The following WDR20 variants were observed in gnomAD, a reference collection of about 807,000 sequenced individuals.
WDR20 encodes the protein WD repeat-containing protein 20.
WDR20 carries 3 observed loss-of-function variants against 38.7 expected under a neutral mutation model. The ratio of observed to expected loss-of-function variants is 0.08; its 90% CI spans 0.04 to 0.20. The LOEUF (loss-of-function observed/expected upper bound fraction) is 0.20. Among genes scored for constraint, WDR20 ranks in the 10% least tolerant of loss-of-function variants. The pLI, the probability that WDR20 is intolerant of heterozygous loss-of-function variation, is 1.00. For missense variants in WDR20, 559 were observed against 727.7 expected (o/e 0.77, Z 2.67); for synonymous variants, 298 against 285.6 (o/e 1.04, Z -0.44).
chr14:102,154,601 C>A (rs1331254829), intron 1 of WDR20, among the ~76,000 whole-genome samples: 1 of 152,212 alleles, frequency 6.6e-6, no homozygotes, highest in East Asian at 1.9e-4. Flanking sequence ...CTGTCTCTTT[C>A]ACCTTCCTTA....
intron 1 of WDR20, among the ~76,000 whole-genome samples, chr14:102,173,900 T>C (rs10130436): frequency 0.085 from 12,944 of 151,938 alleles, 949 homozygotes; most frequent in African/African-American, 0.2. Context: ...AAAAATTAGC[T>C]GGGCGTGGTG....
At chr14:102,200,466 TTTGTGTGTGTGTGTGTGTG>T (rs762203230) in intron 2 of WDR20, among the ~76,000 whole-genome samples, 1,777 of 106,090 alleles carry the variant, frequency 0.017, 20 homozygotes, top group South Asian at 0.056. Flanking sequence ...AATTTTTTTT[TTTGTGTGTGTGTGTGTGTG>T]TGTGTGTGTG....
At chr14:102,212,883 A>C, downstream of WDR20, 1 of 1,157,162 alleles carries the variant, frequency 8.6e-7, no homozygotes, top group South Asian at 2.5e-5. Context: ...AATCTGTGGA[A>C]TAAAACACAG....
At chr14:102,187,409 TG>T (rs138702000) in intron 1 of WDR20, among the ~76,000 whole-genome samples, 7,742 of 150,588 alleles carry the variant, frequency 0.051, 386 homozygotes, top group African/African-American at 0.12. Context: ...ACACATAGGC[TG>T]GGGGGGGGCT....
In WDR20 at chr14:102,209,145, G is replaced by A. The variant is rs772320728; in HGVS notation, c.975G>A (p.Met325Ile). 6.2e-7 allele frequency: 1 copy of A among 1,614,042 alleles called. No individual in the cohort carries two copies. The highest frequency in any genetic ancestry group is 8.5e-7 in the Non-Finnish European group (1 of 1,179,998). The change falls in exon 3 of 3, where the codon ATG becomes ATA. Residue 325 changes from methionine to isoleucine, a missense_variant. By Grantham distance (10) the Met-to-Ile change is conservative (BLOSUM62 1). Coordinates refer to ENST00000342702, the MANE Select transcript of WDR20 (RefSeq NM_144574.4). The surrounding 1 kb of genome is among the most constrained non-coding windows in gnomAD (Gnocchi z 6.0). ...CTAGTGTAGAAGAAGGTGACCCTAT[G>A]GAGTTTAGTGGCAGCGATGAGGACT... Reference protein sequence around the residue: ...YTTSVEEGDPMEFSGSDEDFQ... With the variant: ...YTTSVEEGDPIEFSGSDEDFQ...
At chr14:102,183,069 AG>A (rs941327622) in intron 1 of WDR20, among the ~76,000 whole-genome samples, 23 of 151,266 alleles carry the variant, frequency 1.5e-4, no homozygotes, top group African/African-American at 5.4e-4. Flanking sequence ...TCAGAGAGAG[AG>A]AAAAAAAAAG....
At chr14:102,141,971 T>C (rs886323278) in intron 1 of WDR20, among the ~76,000 whole-genome samples, 4 of 152,226 alleles carry the variant, frequency 2.6e-5, no homozygotes, top group African/African-American at 9.6e-5. Context: ...AGACCTTATC[T>C]GGATCTGGTA....
chr14:102,141,876 CACTA>C (rs1175912418), intron 1 of WDR20, among the ~76,000 whole-genome samples: 5 of 152,022 alleles, frequency 3.3e-5, no homozygotes, highest in African/African-American at 7.2e-5. Flanking sequence ...AAACTAAATT[CACTA>C]ACTAGCAATT....
chr14:102,175,985 T>C (rs1302200272), intron 1 of WDR20, among the ~76,000 whole-genome samples: 2 of 152,176 alleles, frequency 1.3e-5, no homozygotes, highest in African/African-American at 4.8e-5. Context: ...TATATGATTA[T>C]ATATCATCAG....
intron 2 of WDR20, among the ~76,000 whole-genome samples, chr14:102,205,670 T>G (rs1195586467): frequency 2.0e-5 from 3 of 152,130 alleles, no homozygotes; most frequent in Non-Finnish European, 4.4e-5. Flanking sequence ...CCACTCACCC[T>G]GATATTGCTG....
rs777064010 is a variant in WDR20 at position 102,207,235 on chromosome 14, G to A, written c.433-1368G>A. ...CATGCTGTGTGGCGTTCAGGCCTCC[G>A]TTCTTCCTGCCTGGGGTCCTTTGTT... is the stretch of plus-strand genomic sequence containing the variant. On this transcript the variant is annotated intron_variant, in intron 2 of 2. Coordinates refer to ENST00000342702, the MANE Select transcript of WDR20 (RefSeq NM_144574.4). The surrounding 1 kb of genome is among the most constrained non-coding windows in gnomAD (Gnocchi z 5.0). Among the ~76,000 whole-genome samples the A allele has an allele frequency of 2.7e-4, 41 of 152,364 alleles. No individual in the cohort carries two copies. Among genetic ancestry groups the A allele is most frequent in the Middle Eastern group, 3.4e-3 (1 of 294 alleles).
chr14:102,140,153 T>C lies in WDR20; in HGVS notation c.230T>C (p.Ile77Thr). Reference protein sequence around the residue: ...FNVGRELYFYIYKGVRKAADL... With the variant: ...FNVGRELYFYTYKGVRKAADL... ...GTGGGCCGGGAGCTGTACTTCTATATCTACAAGGGGGTCCGCAAGGTACCG... is the reference window on the plus strand; with the variant it reads ...GTGGGCCGGGAGCTGTACTTCTATACCTACAAGGGGGTCCGCAAGGTACCG... The change falls in exon 1 of 3, where the codon ATC becomes ACC. Residue 77 changes from isoleucine (I) to threonine (T), a missense_variant. Transcript: ENST00000342702. 1 of 1,613,270 alleles carries C rather than the reference T, an allele frequency of 6.2e-7. No individual in the cohort carries two copies. Among genetic ancestry groups the C allele is most frequent in the Non-Finnish European group, 8.5e-7 (1 of 1,179,998 alleles).
At chr14:102,162,773 G>C (rs1161729251) in intron 1 of WDR20, among the ~76,000 whole-genome samples, 1 of 152,000 alleles carries the variant, frequency 6.6e-6, no homozygotes, top group African/African-American at 2.4e-5. Flanking sequence ...ACCATGCCCA[G>C]CTAATTTTTG....
chr14:102,162,687 C>T (rs1019767131), intron 1 of WDR20, among the ~76,000 whole-genome samples: 5 of 152,066 alleles, frequency 3.3e-5, no homozygotes, highest in African/African-American at 1.2e-4. Context: ...GATCTCAGCT[C>T]ACTGCAACCT....
intron 1 of WDR20, among the ~76,000 whole-genome samples, chr14:102,172,774 C>T (rs1427424391): frequency 1.0e-4 from 15 of 148,442 alleles, no homozygotes; most frequent in Admixed American, 3.3e-4. Context: ...ACTTCCCAGA[C>T]GGGGTGGCTG....
intron 1 of WDR20, among the ~76,000 whole-genome samples, chr14:102,168,025 CTG>C (rs1014570388): frequency 2.0e-4 from 31 of 152,320 alleles, no homozygotes; most frequent in African/African-American, 7.5e-4. Context: ...TCTTTCTCAT[CTG>C]TGTTTGGTGA....
chr14:102,187,284 T>C (rs2065057257), intron 1 of WDR20, among the ~76,000 whole-genome samples: 2 of 152,220 alleles, frequency 1.3e-5, no homozygotes, highest in African/African-American at 4.8e-5. Flanking sequence ...CTGGCTTCTT[T>C]CTTGTTTTTA....
intron 1 of WDR20, among the ~76,000 whole-genome samples, chr14:102,180,861 GT>G (rs1217812015): frequency 1.4e-4 from 21 of 152,164 alleles, no homozygotes; most frequent in African/African-American, 5.1e-4. Flanking sequence ...ATTGCTGCCT[GT>G]TTCCGCCATC....
chr14:102,155,500 A>T (rs1434923223), intron 1 of WDR20, among the ~76,000 whole-genome samples: 1 of 152,004 alleles, frequency 6.6e-6, no homozygotes, highest in East Asian at 1.9e-4. Flanking sequence ...GGTTGAAGAG[A>T]CTCTGGGGAG....
Sources: allele counts gnomAD v4.1 joint callset (sites outside exome capture counted in the v4.1 genomes callset), GRCh38; gene constraint gnomAD v4.1.1; non-coding constraint Gnocchi (gnomAD v3.1); transcripts MANE v1.5; gene names NCBI Gene and HGNC (gene_info 2026-07-23, HGNC 2026-07-21).